The following GALNT13 variants were observed in gnomAD, a reference collection of about 807,000 sequenced individuals.
GALNT13 encodes the protein polypeptide N-acetylgalactosaminyltransferase 13.
Under a neutral mutation model 64.2 loss-of-function variants are expected in GALNT13, and 28 were observed. The observed-to-expected ratio is 0.44, with a 90% CI of 0.32 to 0.60. The LOEUF (loss-of-function observed/expected upper bound fraction) is 0.60. GALNT13 is among the 20% of genes least tolerant of loss of function. GALNT13 has a pLI of 0.05. For synonymous variants in GALNT13, 214 were observed against 224.6 expected (o/e 0.95, Z 0.42); for missense variants, 577 against 669.8 (o/e 0.86, Z 1.53).
the GALNT13 span, among the ~76,000 whole-genome samples, chr2:153,379,427 A>T: frequency 6.6e-6 from 1 of 152,164 alleles, no homozygotes; most frequent in East Asian, 1.9e-4. Flanking sequence ...TTGGGCAATT[A>T]GAAATCAATA....
intron 6 of GALNT13, 30 bp downstream of exon 6, chr2:154,242,935 G>T: frequency 6.4e-7 from 1 of 1,567,346 alleles, no homozygotes. Context: ...GTCTGCCTGG[G>T]TTATGACTGA....
the GALNT13 span, among the ~76,000 whole-genome samples, chr2:153,468,250 G>A: frequency 6.6e-6 from 1 of 151,958 alleles, no homozygotes; most frequent in African/African-American, 2.4e-5. Context: ...TCTCTACACA[G>A]CACATTAAGC....
chr2:153,283,337 A>G, the GALNT13 span, among the ~76,000 whole-genome samples: 1 of 152,180 alleles, frequency 6.6e-6, no homozygotes, highest in Admixed American at 6.5e-5. Flanking sequence ...AATTCATGAG[A>G]GTGAATATAC....
intron 11 of GALNT13, among the ~76,000 whole-genome samples, chr2:154,423,727 T>C (rs1700353783): frequency 6.6e-6 from 1 of 152,166 alleles, no homozygotes; most frequent in African/African-American, 2.4e-5. Flanking sequence ...GTTTTGTAGC[T>C]TACTCCAGGA....
chr2:153,770,581 A>G, the GALNT13 span, among the ~76,000 whole-genome samples: 1 of 152,246 alleles, frequency 6.6e-6, no homozygotes, highest in African/African-American at 2.4e-5. Flanking sequence ...GGTAAGAGCC[A>G]GAGAACTTCT....
chr2:153,908,560 T>C lies in GALNT13; in HGVS notation c.-105+7553T>C, dbSNP rs957211178. Among the ~76,000 whole-genome samples the C allele has an allele frequency of 4.6e-5, 7 of 152,274 alleles. No homozygotes were observed. The East Asian group carries it at 1.2e-3, about 25-fold the overall frequency. On this transcript the variant is annotated intron_variant, in intron 2 of 12. Coordinates refer to ENST00000392825, the MANE Select transcript of GALNT13 (RefSeq NM_052917.4). ...AAGTCTTTAATCCATCTTGAGTTGA[T>C]TTTTCTATGTGGTATAAAGAAGGAG...
At chr2:153,915,559 T>G (rs531501978) in intron 2 of GALNT13, among the ~76,000 whole-genome samples, 114 of 152,294 alleles carry the variant, frequency 7.5e-4, no homozygotes, top group African/African-American at 2.7e-3. Flanking sequence ...CTCCTCAGAG[T>G]GGCTGTTACC....
chr2:153,616,314 G>A, the GALNT13 span, among the ~76,000 whole-genome samples: 5 of 151,826 alleles, frequency 3.3e-5, no homozygotes, highest in East Asian at 1.9e-4. Context: ...GCCACTACCC[G>A]CTATTTTGGT....
At chr2:154,417,242 G>A (rs181459383) in intron 11 of GALNT13, among the ~76,000 whole-genome samples, 119 of 140,640 alleles carry the variant, frequency 8.5e-4, no homozygotes, top group Non-Finnish European at 1.3e-3. Flanking sequence ...TGATGACTCC[G>A]TCGAAATTAT....
At chr2:154,073,867 C>T (rs1700860591) in intron 3 of GALNT13, among the ~76,000 whole-genome samples, 2 of 151,722 alleles carry the variant, frequency 1.3e-5, no homozygotes, top group Admixed American at 6.6e-5. Flanking sequence ...AATAACATAA[C>T]AAAAACAACA....
chr2:153,738,753 C>A, the GALNT13 span, among the ~76,000 whole-genome samples: 1 of 151,900 alleles, frequency 6.6e-6, no homozygotes, highest in Non-Finnish European at 1.5e-5. Context: ...AATATTTGAG[C>A]ATTTGTATCT....
At chr2:153,128,429 TG>T in the GALNT13 span, among the ~76,000 whole-genome samples, 1 of 152,046 alleles carries the variant, frequency 6.6e-6, no homozygotes. Context: ...GAGAACAGCA[TG>T]GGAAAGACCC....
intron 9 of GALNT13, among the ~76,000 whole-genome samples, chr2:154,391,430 C>T (rs1231629646): frequency 6.6e-6 from 1 of 152,130 alleles, no homozygotes; most frequent in Admixed American, 6.5e-5. Flanking sequence ...GGCCCCCACT[C>T]CAGACCAACT....
the GALNT13 span, among the ~76,000 whole-genome samples, chr2:153,538,935 T>C: frequency 1.5e-5 from 1 of 67,722 alleles, no homozygotes; most frequent in Non-Finnish European, 2.6e-5. Flanking sequence ...TCAAATGGTA[T>C]TTCTAGTTCT....
At chr2:153,683,475 C>A in the GALNT13 span, among the ~76,000 whole-genome samples, 3 of 151,638 alleles carry the variant, frequency 2.0e-5, no homozygotes, top group South Asian at 6.2e-4. Flanking sequence ...TGAGAAAGTT[C>A]AAGGTTAACT....
At chr2:153,103,442 C>T in the GALNT13 span, among the ~76,000 whole-genome samples, 2 of 152,174 alleles carry the variant, frequency 1.3e-5, no homozygotes, top group African/African-American at 4.8e-5. Context: ...CTCTGTATCT[C>T]ATTACTGTAT....
At chr2:154,206,844 T>G (rs915637941) in intron 4 of GALNT13, among the ~76,000 whole-genome samples, 1 of 151,310 alleles carries the variant, frequency 6.6e-6, no homozygotes, top group Admixed American at 6.6e-5. Context: ...AAGGAATAAG[T>G]CTAAGGTCAA....
At chr2:153,800,356 C>T in the GALNT13 span, among the ~76,000 whole-genome samples, 1 of 152,112 alleles carries the variant, frequency 6.6e-6, no homozygotes, top group South Asian at 2.1e-4. Context: ...AATCACATTG[C>T]TGGCAGAGGA....
chr2:154,006,207 T>C (rs1185740550), intron 3 of GALNT13, among the ~76,000 whole-genome samples: 1 of 152,228 alleles, frequency 6.6e-6, no homozygotes, highest in African/African-American at 2.4e-5. Flanking sequence ...AAGTTGCATT[T>C]ATTAATGATT....
Sources: allele counts gnomAD v4.1 joint callset (sites outside exome capture counted in the v4.1 genomes callset), GRCh38; gene constraint gnomAD v4.1.1; transcripts MANE v1.5; gene names NCBI Gene and HGNC (gene_info 2026-07-23, HGNC 2026-07-21).